Variants in XCL1 observed in about 807,000 individuals in gnomAD.
XCL1 encodes X-C motif chemokine ligand 1.
In XCL1, 6 loss-of-function variants were observed where a neutral mutation model predicts 7.4. That is an observed-to-expected ratio of 0.82 (90% CI 0.45 to 1.61). XCL1 has a LOEUF of 1.61. XCL1 is among the 40% of genes most tolerant of loss of function. The pLI, the probability that XCL1 is intolerant of heterozygous loss-of-function variation, is 0.01. For missense variants in XCL1, 122 were observed against 138.2 expected, an observed-to-expected ratio of 0.88 and a Z score of 0.59; for synonymous variants, 48 against 52.4, an observed-to-expected ratio of 0.92 and a Z score of 0.36.
At chr1:168,578,239 G>A (rs1441179228) in intron 1 of XCL1, among the ~76,000 whole-genome samples, 2 of 152,130 alleles carry the variant, frequency 1.3e-5, no homozygotes, top group Admixed American at 6.6e-5. Flanking sequence ...ATGAAGAAAA[G>A]CACACAATGA....
chr1:168,581,180 C>G lies in XCL1; in HGVS notation c.305C>G (p.Thr102Ser). Residue 102 changes from threonine (T) to serine (S), a missense_variant, in exon 3 of 3, where the codon ACC becomes AGC. By Grantham distance (58) the Thr-to-Ser change is moderately conservative (BLOSUM62 1). Coordinates refer to ENST00000367818, the MANE Select transcript of XCL1 (RefSeq NM_002995.3). ...NNMIQTKPTG[T>S]QQSTNTAVTL... ...ATGATCCAGACCAAGCCAACAGGAA[C>G]CCAGCAATCGACCAATACAGCTGTG... 6.2e-7 allele frequency: 1 copy of G among 1,613,792 alleles called. No individual in the cohort carries two copies. Among genetic ancestry groups the G allele is most frequent in the East Asian group, 2.2e-5 (1 of 44,880 alleles).
intron 2 of XCL1, among the ~76,000 whole-genome samples, chr1:168,580,721 A>C (rs1043142765): frequency 3.9e-5 from 6 of 152,218 alleles, no homozygotes; most frequent in African/African-American, 1.4e-4. Context: ...AATAAGATGA[A>C]TATTTTTAAA....
intron 1 of XCL1, among the ~76,000 whole-genome samples, chr1:168,578,068 T>C (rs909632388): frequency 6.6e-6 from 1 of 152,202 alleles, no homozygotes; most frequent in Non-Finnish European, 1.5e-5. Context: ...CCACTTCAGA[T>C]ACTTCACAGA....
At chr1:168,580,858 C>G (rs1457176317) in intron 2 of XCL1, among the ~76,000 whole-genome samples, 194 bp from the exon 3 acceptor site, 1 of 152,050 alleles carries the variant, frequency 6.6e-6, no homozygotes, top group Non-Finnish European at 1.5e-5. Flanking sequence ...CTGGATACTA[C>G]TTGCAGATAT....
chr1:168,578,844 C>A, intron 1 of XCL1: 1 of 411,416 alleles, frequency 2.4e-6, no homozygotes, highest in East Asian at 7.3e-5. Context: ...AGTGGTGCTT[C>A]CTGTGGACTG....
In XCL1 at chr1:168,581,704, C is replaced by T. The variant is rs1395727794; in HGVS notation, c.*484C>T. The T allele has an allele frequency of 6.6e-6, 1 of 152,230 alleles. No homozygotes were observed. Among genetic ancestry groups the T allele is most frequent in the Non-Finnish European group, 1.5e-5 (1 of 68,076 alleles). The allele number at this position is 152,230 out of a possible 1,614,324, so 9.4% of individuals were successfully genotyped here. On this transcript the variant is annotated 3_prime_UTR_variant, in exon 3 of 3. Coordinates refer to ENST00000367818, the MANE Select transcript of XCL1 (RefSeq NM_002995.3). ...AAAATAATCCAGTCTTCACTGGGTTCCCATTCTGAGGGTCCACTACTCAAA... is the reference window on the plus strand; with the variant it reads ...AAAATAATCCAGTCTTCACTGGGTTTCCATTCTGAGGGTCCACTACTCAAA...
chr1:168,580,238 T>C, intron 2 of XCL1, 61 bp downstream of exon 2: 2 of 1,551,660 alleles, frequency 1.3e-6, no homozygotes, highest in Non-Finnish European at 8.8e-7. Flanking sequence ...AAATACACTC[T>C]GTAGAAATGC....
At chr1:168,580,693 A>C (rs1467399507) in intron 2 of XCL1, among the ~76,000 whole-genome samples, 3 of 152,244 alleles carry the variant, frequency 2.0e-5, no homozygotes. Flanking sequence ...AAATGTAAAA[A>C]TCACTTTTTA....
intron 1 of XCL1, among the ~76,000 whole-genome samples, chr1:168,577,809 A>T (rs1273289693): frequency 1.3e-5 from 2 of 152,188 alleles, no homozygotes; most frequent in Admixed American, 1.3e-4. Flanking sequence ...GCTCTGTTAG[A>T]GGCTGAGAAG....
chr1:168,577,077 G>T (rs1445780283), intron 1 of XCL1, among the ~76,000 whole-genome samples: 28 of 152,132 alleles, frequency 1.8e-4, no homozygotes, highest in Admixed American at 9.2e-4. Context: ...GTAATTTTTT[G>T]ATTAATGTTA....
intron 1 of XCL1, 36 bp downstream of exon 1, chr1:168,576,734 G>A: frequency 6.2e-7 from 1 of 1,613,590 alleles, no homozygotes; most frequent in Non-Finnish European, 8.5e-7. Flanking sequence ...TAAAGAACAG[G>A]GAGGCAAGGC....
chr1:168,578,945 G>T (rs1031566136), intron 1 of XCL1: 1 of 373,616 alleles, frequency 2.7e-6, no homozygotes, highest in East Asian at 7.5e-5. Context: ...TAACCAGCTT[G>T]ATGGGGTCCA....
chr1:168,578,811 T>C (rs1655085977), intron 1 of XCL1: 3 of 452,868 alleles, frequency 6.6e-6, no homozygotes, highest in Non-Finnish European at 1.3e-5. Context: ...TTTGTCTTCC[T>C]GGTTAACTTG....
chr1:168,581,912 A>G lies in XCL1; in HGVS notation c.*692A>G, dbSNP rs959509882. 6 of 152,216 alleles carry G rather than the reference A, an allele frequency of 3.9e-5. No individual in the cohort carries two copies. The highest frequency in any genetic ancestry group is 8.8e-5 in the Non-Finnish European group (6 of 68,044). The allele number at this position is 152,216 out of a possible 1,614,324, so 9.4% of individuals were successfully genotyped here. A position where few individuals can be genotyped will look rare whatever the true frequency, so the allele number is the denominator to read the frequency against. The stretch of plus-strand genomic sequence containing the variant: ...AATTGGACAATAATCTCACTACCTT[A>G]TTAGGATTTCTGTATTTGCCATTAC... On this transcript the variant is annotated 3_prime_UTR_variant, in exon 3 of 3. Transcript: ENST00000367818.
At chr1:168,580,411 G>A (rs575310734) in intron 2 of XCL1, among the ~76,000 whole-genome samples, 3 of 151,840 alleles carry the variant, frequency 2.0e-5, no homozygotes, top group African/African-American at 7.2e-5. Context: ...CCTCTATTTA[G>A]CTTAGTGGAA....
intron 2 of XCL1, 42 bp from the exon 3 acceptor site, chr1:168,581,010 G>T: frequency 6.2e-7 from 1 of 1,605,416 alleles, no homozygotes; most frequent in Non-Finnish European, 8.5e-7. Context: ...CTGAGGCTTT[G>T]AGAATGTGGC....
chr1:168,577,820 A>G (rs957872117), intron 1 of XCL1, among the ~76,000 whole-genome samples: 13 of 152,192 alleles, frequency 8.5e-5, no homozygotes, highest in Non-Finnish European at 1.5e-4. Context: ...GGCTGAGAAG[A>G]ACTGCAGACA....
chr1:168,580,050 T>C lies in XCL1; in HGVS notation c.62-13T>C. 6.2e-7 allele frequency: 1 copy of C among 1,604,742 alleles called. No individual in the cohort carries two copies. The highest frequency in any genetic ancestry group is 2.2e-5 in the East Asian group (1 of 44,840). On this transcript the variant is annotated splice_polypyrimidine_tract_variant and intron_variant, in intron 1 of 2. Coordinates refer to ENST00000367818, the MANE Select transcript of XCL1 (RefSeq NM_002995.3). ...TTATTTTTAATTGTCTGTTGTTTTT[T>C]TTTCCTCACCAGGTGTAGGGAGTGA...
At chr1:168,578,900 A>AC (rs1024008200) in intron 1 of XCL1, 12 of 358,024 alleles carry the variant, frequency 3.4e-5, no homozygotes, top group African/African-American at 1.3e-4. Context: ...GCATTAAGGG[A>AC]CCCCCCATTT....
Sources: allele counts gnomAD v4.1 joint callset (sites outside exome capture counted in the v4.1 genomes callset), GRCh38; gene constraint gnomAD v4.1.1; transcripts MANE v1.5; gene names NCBI Gene and HGNC (gene_info 2026-07-23, HGNC 2026-07-21).